Variants in IL15 observed in about 807,000 individuals in gnomAD.
The protein encoded by IL15 is interleukin-15.
IL15 carries 11 observed loss-of-function variants against 19.6 expected under a neutral mutation model. That is an observed-to-expected ratio of 0.56 (90% CI 0.35 to 0.93). IL15 has a LOEUF of 0.93. Among genes scored for constraint, IL15 ranks in the 40% least tolerant of loss-of-function variants. The pLI is 0.01. For missense variants in IL15, 197 were observed against 186.5 expected, an observed-to-expected ratio of 1.06 and a Z score of -0.33; for synonymous variants, 58 against 59.6, an observed-to-expected ratio of 0.97 and a Z score of 0.12.
chr4:141,727,383 G>A lies in IL15; in HGVS notation c.196-557G>A, dbSNP rs1205610230. The stretch of plus-strand genomic sequence containing the variant: ...ATTCTTTTAAAAGCTAATTTCAGAA[G>A]GTTACATATGATATGAGTCCGTTTA... On this transcript the variant is annotated intron_variant, in intron 5 of 7. Coordinates refer to ENST00000320650, the MANE Select transcript of IL15 (RefSeq NM_000585.5). Among the ~76,000 whole-genome samples, 6 of 151,262 alleles carry A rather than the reference G, an allele frequency of 4.0e-5. No homozygotes were observed. The South Asian group carries it at 1.0e-3, about 26-fold the overall frequency.
intron 5 of IL15, among the ~76,000 whole-genome samples, chr4:141,725,451 C>T (rs1730225748): frequency 6.6e-6 from 1 of 152,194 alleles, no homozygotes; most frequent in African/African-American, 2.4e-5. Context: ...AAATGGCCAC[C>T]TATAAGCCAA....
At chr4:141,651,132 C>T (rs1057310973) in intron 1 of IL15, among the ~76,000 whole-genome samples, 1 of 151,706 alleles carries the variant, frequency 6.6e-6, no homozygotes, top group Non-Finnish European at 1.5e-5. Context: ...AAAGAGATTC[C>T]ACAGTGTGCG....
chr4:141,680,605 T>C (rs1356433551), intron 2 of IL15, among the ~76,000 whole-genome samples: 1 of 152,218 alleles, frequency 6.6e-6, no homozygotes, highest in East Asian at 1.9e-4. Context: ...GTGTTAGTTT[T>C]CACTCAGAGC....
At chr4:141,705,951 T>G (rs1360023283) in intron 2 of IL15, among the ~76,000 whole-genome samples, 5 of 152,030 alleles carry the variant, frequency 3.3e-5, no homozygotes, top group Non-Finnish European at 4.4e-5. Context: ...CCCTCCACTT[T>G]CAGTCTGTGT....
chr4:141,699,438 C>T (rs181317036), intron 2 of IL15, among the ~76,000 whole-genome samples: 215 of 152,164 alleles, frequency 1.4e-3, no homozygotes, highest in African/African-American at 4.9e-3. Context: ...TTGAAGTCCC[C>T]CACTATTATT....
intron 2 of IL15, among the ~76,000 whole-genome samples, chr4:141,682,585 C>A (rs1728568188): frequency 6.6e-6 from 1 of 152,132 alleles, no homozygotes. Context: ...CTCTTTAGTT[C>A]TCTCAGTGGC....
At chr4:141,681,589 C>T (rs375679932) in intron 2 of IL15, among the ~76,000 whole-genome samples, 28 of 152,092 alleles carry the variant, frequency 1.8e-4, no homozygotes, top group African/African-American at 5.6e-4. Flanking sequence ...ATATTCAGTT[C>T]TAGCATGACA....
chr4:141,730,022 G>A (rs1473408864), intron 7 of IL15, 38 bp downstream of exon 7: 1 of 1,545,434 alleles, frequency 6.5e-7, no homozygotes, highest in African/African-American at 1.4e-5. Flanking sequence ...TGCATCTTAT[G>A]TTTTGGGCCT....
chr4:141,674,209 T>C (rs1209292009), intron 2 of IL15, among the ~76,000 whole-genome samples: 1 of 152,220 alleles, frequency 6.6e-6, no homozygotes, highest in Non-Finnish European at 1.5e-5. Flanking sequence ...AACTGAAGTG[T>C]AGCATGTATA....
chr4:141,704,660 CT>C, intron 2 of IL15: 1 of 300,282 alleles, frequency 3.3e-6, no homozygotes, highest in South Asian at 3.1e-5. Context: ...AGCAGTGAAG[CT>C]TTCAGGTCCT....
intron 2 of IL15, among the ~76,000 whole-genome samples, chr4:141,697,995 C>G (rs1290500923): frequency 6.6e-6 from 1 of 151,936 alleles, no homozygotes; most frequent in East Asian, 1.9e-4. Context: ...GCTTTTATTA[C>G]TTTGAAGTAA....
intron 2 of IL15, among the ~76,000 whole-genome samples, chr4:141,703,903 ATGT>A (rs1053633115): frequency 5.3e-5 from 8 of 152,090 alleles, no homozygotes; most frequent in African/African-American, 1.9e-4. Context: ...TGATTTTTAA[ATGT>A]TGTTTTTCTG....
At chr4:141,690,268 G>T (rs1277906772) in intron 2 of IL15, among the ~76,000 whole-genome samples, 6 of 152,196 alleles carry the variant, frequency 3.9e-5, no homozygotes, top group Non-Finnish European at 5.9e-5. Context: ...AGCTGAGGGA[G>T]CTGGCTCTGG....
chr4:141,679,718 T>G (rs1728472417), intron 2 of IL15, among the ~76,000 whole-genome samples: 1 of 152,234 alleles, frequency 6.6e-6, no homozygotes, highest in African/African-American at 2.4e-5. Flanking sequence ...CTACACAATG[T>G]CTTAGAAAAG....
At chr4:141,667,078 G>T (rs1728012971) in intron 2 of IL15, among the ~76,000 whole-genome samples, 1 of 152,194 alleles carries the variant, frequency 6.6e-6, no homozygotes, top group Non-Finnish European at 1.5e-5. Flanking sequence ...GTGCGGGTGG[G>T]TGGCACATCC....
intron 2 of IL15, among the ~76,000 whole-genome samples, chr4:141,704,965 C>G (rs1174528495): frequency 6.6e-6 from 1 of 151,388 alleles, no homozygotes; most frequent in Non-Finnish European, 1.5e-5. Flanking sequence ...ATTTGAATCT[C>G]TCACTTGTTT....
At position 141,641,424 on chromosome 4, in the gene IL15, A is replaced by G. The variant is rs528976851; in HGVS notation, c.-222+4676A>G. Among the ~76,000 whole-genome samples, 6 of 152,248 alleles carry G rather than the reference A, an allele frequency of 3.9e-5. No homozygotes were observed. In the South Asian group the frequency reaches 1.0e-3, roughly 26 times the overall value. On this transcript the variant is annotated intron_variant, in intron 1 of 7. Coordinates refer to ENST00000320650, the MANE Select transcript of IL15 (RefSeq NM_000585.5). ...TATTGCAGCACTATTCACAATAGCA[A>G]AGACTTGGAACCAACCCAAATGTCC...
At chr4:141,707,428 G>T (rs1162328445) in intron 2 of IL15, among the ~76,000 whole-genome samples, 1 of 152,044 alleles carries the variant, frequency 6.6e-6, no homozygotes, top group Non-Finnish European at 1.5e-5. Context: ...AGGATTTATT[G>T]TGTTCCTTTG....
chr4:141,686,086 G>C (rs1304178559), intron 2 of IL15, among the ~76,000 whole-genome samples: 4 of 151,938 alleles, frequency 2.6e-5, no homozygotes, highest in Non-Finnish European at 4.4e-5. Context: ...TACAAGGTCA[G>C]GTGTTCGAGA....
Sources: gnomAD v4.1 joint callset for allele counts (sites outside exome capture counted in the v4.1 genomes callset) on GRCh38, gnomAD v4.1.1 for gene constraint, MANE v1.5 for transcripts, NCBI Gene and HGNC (gene_info 2026-07-23, HGNC 2026-07-21) for gene names.